Variants in ESS2 observed in about 807,000 individuals in gnomAD.
ESS2 encodes ess-2 spliceosome associated protein, also known as splicing factor ESS-2 homolog.
A neutral mutation model predicts 52.0 loss-of-function variants in ESS2; 31 were observed. That is an observed-to-expected ratio of 0.60 (90% CI 0.45 to 0.81). The LOEUF is 0.81. ESS2 is among the 30% of genes least tolerant of loss of function. The probability of loss-of-function intolerance (pLI) is 0.00; values close to 1 mark genes in which losing one functional copy is unlikely to be tolerated. For missense variants in ESS2, 602 were observed against 637.2 expected (o/e 0.94, Z 0.59); for synonymous variants, 285 against 259.2 (o/e 1.10, Z -0.95).
At chr22:19,143,958 C>T in intron 1 of ESS2, 1 of 842,026 alleles carries the variant, frequency 1.2e-6, no homozygotes, top group Non-Finnish European at 1.4e-6. Flanking sequence ...AGACCTTGCT[C>T]CCGAGCTGCA....
At chr22:19,144,245 CT>C (rs2083745398) in intron 1 of ESS2, 1 of 1,267,334 alleles carries the variant, frequency 7.9e-7, no homozygotes, top group Non-Finnish European at 1.0e-6. Context: ...CCTACTCACA[CT>C]TTAACAGAAA....
At chr22:19,142,924 A>G in intron 1 of ESS2, 30 bp from the exon 2 acceptor site, 1 of 1,599,088 alleles carries the variant, frequency 6.3e-7, no homozygotes, top group South Asian at 1.1e-5. Flanking sequence ...TGAAAGTCAG[A>G]GGCCAGGCGC....
intron 6 of ESS2, among the ~76,000 whole-genome samples, chr22:19,138,697 C>T (rs1198931313): frequency 2.0e-5 from 3 of 152,236 alleles, no homozygotes; most frequent in African/African-American, 7.2e-5. Flanking sequence ...TCTCTTCCTG[C>T]CTTCCCCACT....
At position 19,135,179 on chromosome 22, in the gene ESS2, C is replaced by T. The variant is rs1357653898; in HGVS notation, c.1036-4G>A. The T allele has an allele frequency of 3.7e-6, 6 of 1,611,692 alleles. No individual in the cohort carries two copies. The highest frequency in any genetic ancestry group is 1.3e-5 in the African/African-American group (1 of 74,910). Reference sequence around the variant, plus strand: ...CCCTGCGGCCTGGCTCCAGGATCTACAAGGTAGCAGGTGTGTGGGTAGCTG... The same window carrying T: ...CCCTGCGGCCTGGCTCCAGGATCTATAAGGTAGCAGGTGTGTGGGTAGCTG... On this transcript the variant is annotated splice_region_variant and splice_polypyrimidine_tract_variant and intron_variant, in intron 8 of 9. Transcript: ENST00000252137.
At chr22:19,138,679 T>A (rs893305089) in intron 6 of ESS2, among the ~76,000 whole-genome samples, 10 of 152,304 alleles carry the variant, frequency 6.6e-5, no homozygotes, top group Admixed American at 4.6e-4. Flanking sequence ...GCAATGCTTA[T>A]GCTCTAGTCT....
chr22:19,141,976 C>T (rs556049697), intron 3 of ESS2, among the ~76,000 whole-genome samples: 3 of 151,884 alleles, frequency 2.0e-5, no homozygotes, highest in South Asian at 2.1e-4. Context: ...GGTGACAGAG[C>T]GAGACTCTGT....
At chr22:19,143,544 C>G (rs557286721) in intron 1 of ESS2, among the ~76,000 whole-genome samples, 1 of 152,328 alleles carries the variant, frequency 6.6e-6, no homozygotes, top group East Asian at 1.9e-4. Context: ...CCACACATGA[C>G]TTTCTATTTC....
At chr22:19,143,070 TGGCA>T (rs1222419631) in intron 1 of ESS2, among the ~76,000 whole-genome samples, 176 bp from the exon 2 acceptor site, 1 of 151,810 alleles carries the variant, frequency 6.6e-6, no homozygotes, top group Non-Finnish European at 1.5e-5. Flanking sequence ...CCGGGCGTGG[TGGCA>T]GGCACCTGTA....
chr22:19,137,828 G>A, intron 7 of ESS2: 4 of 985,384 alleles, frequency 4.1e-6, no homozygotes, highest in South Asian at 9.4e-5. Context: ...GAGTGCAGAG[G>A]GACACCCACG....
At chr22:19,137,184 C>G in intron 8 of ESS2, 139 bp downstream of exon 8, 2 of 651,086 alleles carry the variant, frequency 3.1e-6, no homozygotes, top group Non-Finnish European at 5.4e-6. Context: ...CCTTCAGCAC[C>G]CTGGCATTCA....
Position 19,138,466 on chromosome 22 carries a change from G to C in ESS2, c.823-149C>G, listed in dbSNP as rs1390464980. 3 of 798,802 alleles carry C rather than the reference G, an allele frequency of 3.8e-6. No homozygotes were observed. In the South Asian group the frequency reaches 4.4e-5, roughly 12 times the overall value. 49.5% of individuals were successfully genotyped at this position (798,802 alleles called of 1,614,324 possible). ...GGGGTTGGCAGCCTTCTTGGAGAAA[G>C]AGAGGGAGGGCCCCTGCCCCAACCC... On this transcript the variant is annotated intron_variant, in intron 6 of 9. Transcript: ENST00000252137.
Position 19,139,714 on chromosome 22 carries a change from G to A in ESS2, c.586C>T (p.Leu196Phe), listed in dbSNP as rs1410648525. The change falls in exon 5 of 10, where the codon CTC becomes TTC. Residue 196 changes from leucine to phenylalanine, a missense_variant. Coordinates refer to ENST00000252137, the MANE Select transcript of ESS2 (RefSeq NM_022719.3). ...TGGTGCTCTGCTGACGGGAGTTCGAGATTATCTTTCTGCCTCTGCAATCAC... is the reference window on the plus strand; with the variant it reads ...TGGTGCTCTGCTGACGGGAGTTCGAAATTATCTTTCTGCCTCTGCAATCAC... ...EEFEKRQKDN[L>F]ELPSAEHQAI... 2 of 1,614,158 alleles carry A rather than the reference G, an allele frequency of 1.2e-6. No homozygotes were observed. Among genetic ancestry groups the A allele is most frequent in the Non-Finnish European group, 1.7e-6 (2 of 1,179,996 alleles).
Position 19,132,570 on chromosome 22 carries a change from G to A in ESS2, c.*1626C>T. The A allele has an allele frequency of 7.8e-7, 1 of 1,282,122 alleles. No homozygotes were observed. Among genetic ancestry groups the A allele is most frequent in the Non-Finnish European group, 1.1e-6 (1 of 919,622 alleles). The allele number at this position is 1,282,122 out of a possible 1,614,324, so 79.4% of individuals were successfully genotyped here. On this transcript the variant is annotated 3_prime_UTR_variant, in exon 10 of 10. Transcript: ENST00000252137. The surrounding 1 kb of genome is among the most constrained non-coding windows in gnomAD (Gnocchi z 4.2). ...TAAACTAAGTAGGCAGGTAGGATCTGAAGAAGGCACAGGTGCAAGTAAAAT... is the reference window on the plus strand; with the variant it reads ...TAAACTAAGTAGGCAGGTAGGATCTAAAGAAGGCACAGGTGCAAGTAAAAT...
Position 19,134,070 on chromosome 22 carries a change from G to T in ESS2, c.*126C>A. ...CCCCAGCACAGCCCCTTTCTCCAGT[G>T]ACTCCTGGTATGGTCAACAGCTTCT... On this transcript the variant is annotated 3_prime_UTR_variant, in exon 10 of 10. Coordinates refer to ENST00000252137, the MANE Select transcript of ESS2 (RefSeq NM_022719.3). 1 of 1,168,720 alleles carries T rather than the reference G, an allele frequency of 8.6e-7. No homozygotes were observed. The highest frequency in any genetic ancestry group is 1.1e-6 in the Non-Finnish European group (1 of 903,494). 72.4% of individuals were successfully genotyped at this position (1,168,720 alleles called of 1,614,324 possible). A position where few individuals can be genotyped will look rare whatever the true frequency, so the allele number is the denominator to read the frequency against.
chr22:19,134,094 C>T lies in ESS2; in HGVS notation c.*102G>A. On this transcript the variant is annotated 3_prime_UTR_variant, in exon 10 of 10. Transcript: ENST00000252137. ...TGACTCCTGGTATGGTCAACAGCTTCTGGCCCAGGCCTGGGCCCCGAGAAG... is the reference window on the plus strand; with the variant it reads ...TGACTCCTGGTATGGTCAACAGCTTTTGGCCCAGGCCTGGGCCCCGAGAAG... 1.5e-6 allele frequency: 2 copies of T among 1,319,792 alleles called. No homozygotes were observed. Among genetic ancestry groups the T allele is most frequent in the Non-Finnish European group, 2.0e-6 (2 of 1,020,136 alleles). 81.8% of individuals were successfully genotyped at this position (1,319,792 alleles called of 1,614,324 possible).
At position 19,133,287 on chromosome 22, in the gene ESS2, C is replaced by T. The variant is rs1038790228; in HGVS notation, c.*909G>A. 2 of 152,432 alleles carry T rather than the reference C, an allele frequency of 1.3e-5. No individual in the cohort carries two copies. The highest frequency in any genetic ancestry group is 2.4e-5 in the African/African-American group (1 of 41,454). The allele number at this position is 152,432 out of a possible 1,614,324, so 9.4% of individuals were successfully genotyped here. A position where few individuals can be genotyped will look rare whatever the true frequency, so the allele number is the denominator to read the frequency against. On this transcript the variant is annotated 3_prime_UTR_variant, in exon 10 of 10. Coordinates refer to ENST00000252137, the MANE Select transcript of ESS2 (RefSeq NM_022719.3). ...GTCAGCACCTAGACATGCTCCTCCC[C>T]CCTCCCTCCCCACTTCCTGGGGGCT...
chr22:19,130,541 G>C lies in ESS2; in HGVS notation c.*3655C>G, dbSNP rs533481247. Reference sequence around the variant, plus strand: ...GGCCTGTCTACTGTGGTACCGGAGTGATTATTTCGATTGTATCTCCTTTAC... The same window carrying C: ...GGCCTGTCTACTGTGGTACCGGAGTCATTATTTCGATTGTATCTCCTTTAC... On this transcript the variant is annotated 3_prime_UTR_variant, in exon 10 of 10. Coordinates refer to ENST00000252137, the MANE Select transcript of ESS2 (RefSeq NM_022719.3). 32 of 431,196 alleles carry C rather than the reference G, an allele frequency of 7.4e-5. No individual in the cohort carries two copies. Among genetic ancestry groups the C allele is most frequent in the South Asian group, 5.7e-4 (32 of 55,718 alleles). 26.7% of individuals were successfully genotyped at this position (431,196 alleles called of 1,614,324 possible).
intron 3 of ESS2, among the ~76,000 whole-genome samples, chr22:19,140,594 A>AC (rs142375998): frequency 4.2e-5 from 6 of 141,496 alleles, no homozygotes; most frequent in Non-Finnish European, 7.7e-5. Context: ...AACCCCAAAC[A>AC]CCCCCCCCTC....
At position 19,132,109 on chromosome 22, in the gene ESS2, G is replaced by A. The variant is rs149513764; in HGVS notation, c.*2087C>T. The A allele has an allele frequency of 3.2e-4, 514 of 1,612,718 alleles. No individual in the cohort carries two copies. Among genetic ancestry groups the A allele is most frequent in the Non-Finnish European group, 4.2e-4 (490 of 1,179,046 alleles). ...AAGGAGCACCGTGTGGACTTCCCGC[G>A]CTCCAAGAACCTGACCTGCGAGTGC... On this transcript the variant is annotated 3_prime_UTR_variant, in exon 10 of 10. Transcript: ENST00000252137. The surrounding 1 kb of genome is among the most constrained non-coding windows in gnomAD (Gnocchi z 4.2).
Sources: gnomAD v4.1 joint callset for allele counts (sites outside exome capture counted in the v4.1 genomes callset) on GRCh38, gnomAD v4.1.1 for gene constraint, Gnocchi (gnomAD v3.1) non-coding constraint, MANE v1.5 for transcripts, NCBI Gene and HGNC (gene_info 2026-07-23, HGNC 2026-07-21) for gene names.